The following FRMPD4 variants were observed in gnomAD, a reference collection of about 807,000 sequenced individuals.
FRMPD4 encodes the protein FERM and PDZ domain containing 4.
Under a neutral mutation model 94.1 loss-of-function variants are expected in FRMPD4, and 22 were observed. The ratio of observed to expected loss-of-function variants is 0.23; its 90% confidence interval spans 0.17 to 0.33. The LOEUF is 0.33. Ranked by LOEUF, FRMPD4 falls within the 10% of genes least tolerant of loss-of-function variation. FRMPD4 has a pLI of 1.00. For missense variants in FRMPD4, 1,111 were observed against 1,339.9 expected (o/e 0.83, Z 2.67); for synonymous variants, 631 against 548.6 (o/e 1.15, Z -2.10).
At chrX:12,388,848 T>C (rs180815060) in intron 1 of FRMPD4, among the ~76,000 whole-genome samples, 1,433 of 73,833 alleles carry the variant, frequency 0.019, 81 homozygotes, top group African/African-American at 0.074. Context: ...TATATATATA[T>C]ATACACACAA....
chrX:11,993,209 C>T (rs757674829), intron 3 of FRMPD4, among the ~76,000 whole-genome samples: 130 of 110,833 alleles, frequency 1.2e-3, no homozygotes, highest in Non-Finnish European at 1.9e-3. Context: ...CTATATTAAG[C>T]ATCATGGGTG....
At chrX:12,123,005 A>T (rs2055468375) in intron 3 of FRMPD4, among the ~76,000 whole-genome samples, 1 of 111,083 alleles carries the variant, frequency 9.0e-6, no homozygotes, top group Non-Finnish European at 1.9e-5. Context: ...GCCTCCCTTT[A>T]TGCTGGCTGA....
At position 12,723,670 on chromosome X, in the gene FRMPD4, G is replaced by A. The variant is rs1471095483; in HGVS notation, c.*1812G>A. 9.0e-6 allele frequency: 1 copy of A among 111,390 alleles called. No individual in the cohort carries two copies. Among genetic ancestry groups the A allele is most frequent in the South Asian group, 3.8e-4 (1 of 2,637 alleles). 9.2% of individuals were successfully genotyped at this position (111,390 alleles called of 1,213,427 possible). A position where few individuals can be genotyped will look rare whatever the true frequency, so the allele number is the denominator to read the frequency against. On this transcript the variant is annotated 3_prime_UTR_variant, in exon 17 of 17. Coordinates refer to ENST00000675598, the MANE Select transcript of FRMPD4 (RefSeq NM_001368397.1). ...CCTATTAATAGGATGTGTGCCCTAT[G>A]TCAGACAGTGTGCTAAGCATATTAA...
chrX:11,845,259 TAAAC>T lies in FRMPD4; in HGVS notation c.-160-19825_-160-19822del, dbSNP rs758393212. 3.6e-5 allele frequency among the ~76,000 whole-genome samples: 4 copies of T among 111,623 alleles called. No homozygotes were observed. In the East Asian group the frequency reaches 1.1e-3, roughly 31 times the overall value. On this transcript the variant is annotated intron_variant, in intron 1 of 18. Transcript: ENST00000640291. ...TCATTCTTTCAAACCCCAAGTAAAA[TAAAC>T]AGAAAGAAATAAACATGTGACAGAA...
intron 1 of FRMPD4, among the ~76,000 whole-genome samples, chrX:12,493,248 C>A (rs960575531): frequency 8.1e-5 from 9 of 111,099 alleles, no homozygotes; most frequent in African/African-American, 2.9e-4. Context: ...CTTAGGATAC[C>A]TTGAGGTATC....
intron 1 of FRMPD4, among the ~76,000 whole-genome samples, chrX:12,477,982 T>C (rs16998942): frequency 0.18 from 19,961 of 111,088 alleles, 1,476 homozygotes; most frequent in African/African-American, 0.26. Flanking sequence ...CCATGAAAAA[T>C]TGGAGCACTC....
chrX:12,169,419 T>A (rs2056182286), intron 1 of FRMPD4, among the ~76,000 whole-genome samples: 1 of 112,130 alleles, frequency 8.9e-6, no homozygotes, highest in Admixed American at 9.4e-5. Context: ...GCAGTATACC[T>A]TTTTGTGTAT....
intron 2 of FRMPD4, among the ~76,000 whole-genome samples, chrX:12,526,986 A>C (rs1249633986): frequency 4.5e-5 from 5 of 111,748 alleles, no homozygotes; most frequent in Non-Finnish European, 5.7e-5. Context: ...TAAAAAAAAA[A>C]GTGCTTTTTC....
intron 1 of FRMPD4, among the ~76,000 whole-genome samples, chrX:12,287,760 A>G (rs768272624): frequency 8.9e-6 from 1 of 112,016 alleles, no homozygotes. Context: ...AAAGATTTGG[A>G]TGAAGACTCA....
intron 3 of FRMPD4, among the ~76,000 whole-genome samples, chrX:11,922,674 A>C (rs2054064682): frequency 1.8e-5 from 2 of 112,427 alleles, no homozygotes; most frequent in Admixed American, 1.9e-4. Flanking sequence ...CTTGACCACC[A>C]CAGCCACTTG....
chrX:12,030,836 G>T (rs941103190), intron 3 of FRMPD4, among the ~76,000 whole-genome samples: 3 of 112,093 alleles, frequency 2.7e-5, no homozygotes, highest in Non-Finnish European at 5.6e-5. Context: ...TCCCTCTTGA[G>T]CTGAGTATCT....
intron 3 of FRMPD4, among the ~76,000 whole-genome samples, chrX:11,968,169 A>G (rs1397953721): frequency 9.0e-6 from 1 of 110,601 alleles, no homozygotes; most frequent in Admixed American, 9.6e-5. Context: ...GATAGAGGTC[A>G]CCTCCCTTCA....
At chrX:11,964,090 G>A (rs185134010) in intron 3 of FRMPD4, among the ~76,000 whole-genome samples, 187 of 111,374 alleles carry the variant, frequency 1.7e-3, no homozygotes, top group African/African-American at 5.9e-3. Flanking sequence ...GCAAAATGCT[G>A]GACTCCCACT....
intron 3 of FRMPD4, among the ~76,000 whole-genome samples, chrX:12,024,294 T>C (rs998511142): frequency 4.5e-5 from 5 of 112,107 alleles, no homozygotes; most frequent in African/African-American, 1.6e-4. Flanking sequence ...TACACATACA[T>C]ACTCATGCAT....
At chrX:12,134,375 T>C, upstream of FRMPD4, among the ~76,000 whole-genome samples, 1 of 112,561 alleles carries the variant, frequency 8.9e-6, no homozygotes, top group Non-Finnish European at 1.9e-5. Context: ...TATTTCCCAG[T>C]GCCTACAGTG....
intron 1 of FRMPD4, among the ~76,000 whole-genome samples, chrX:12,395,048 G>A (rs913260461): frequency 3.6e-5 from 4 of 112,270 alleles, no homozygotes; most frequent in South Asian, 3.7e-4. Flanking sequence ...TGAAATTTCC[G>A]ACTTATCTGG....
At chrX:12,710,166 A>G in intron 13 of FRMPD4, among the ~76,000 whole-genome samples, 1 of 111,086 alleles carries the variant, frequency 9.0e-6, no homozygotes, top group Non-Finnish European at 1.9e-5. Context: ...ACAGACATAT[A>G]TATATATGAC....
At chrX:12,382,525 GCATAGAGCAT>G (rs2056335769) in intron 1 of FRMPD4, among the ~76,000 whole-genome samples, 2 of 59,051 alleles carry the variant, frequency 3.4e-5, no homozygotes, top group African/African-American at 7.0e-5. Flanking sequence ...GCATAGCATA[GCATAGAGCAT>G]AGCATAGCAT....
At chrX:11,943,174 A>G (rs2054171296) in intron 3 of FRMPD4, among the ~76,000 whole-genome samples, 1 of 111,375 alleles carries the variant, frequency 9.0e-6, no homozygotes, top group Non-Finnish European at 1.9e-5. Flanking sequence ...AGAGCCTAGA[A>G]TTTCAGGTGA....
Sources: gnomAD v4.1 joint callset for allele counts (sites outside exome capture counted in the v4.1 genomes callset) on GRCh38, gnomAD v4.1.1 for gene constraint, MANE v1.5 for transcripts, NCBI Gene and HGNC (gene_info 2026-07-23, HGNC 2026-07-21) for gene names.